Variants in MAPK6 observed in about 807,000 individuals in gnomAD.
The protein encoded by MAPK6 is ERK-3.
A neutral mutation model predicts 59.3 loss-of-function variants in MAPK6; 19 were observed. The ratio of observed to expected loss-of-function variants is 0.32; its 90% CI spans 0.22 to 0.47. The LOEUF (loss-of-function observed/expected upper bound fraction) is 0.47. MAPK6 is among the 20% of genes least tolerant of loss of function. The pLI is 1.00. For synonymous variants in MAPK6, 316 were observed against 290.3 expected (o/e 1.09, Z -0.90); for missense variants, 724 against 847.9 (o/e 0.85, Z 1.81).
At chr15:52,019,456 G>GCGGCGGCGGCGGCGA (rs1317203556) in intron 1 of MAPK6, 80 bp downstream of exon 1, 8 of 147,384 alleles carry the variant, frequency 5.4e-5, no homozygotes, top group Admixed American at 3.4e-4. Flanking sequence ...GGCGGCGGCG[G>GCGGCGGCGGCGGCGA]CGGCGGCGGC....
At chr15:52,062,423 T>C (rs2032239129) in intron 5 of MAPK6, among the ~76,000 whole-genome samples, 1 of 152,226 alleles carries the variant, frequency 6.6e-6, no homozygotes, top group South Asian at 2.1e-4. Flanking sequence ...CATTAGTGTA[T>C]AATGTTATCC....
Position 52,013,007 on chromosome 15 carries a change from AAAAAAAAAAAAAAATATATATATATATAT to A in MAPK6, c.-632+8607_-632+8635del, listed in dbSNP as rs1190500022. Among the ~76,000 whole-genome samples the A allele has an allele frequency of 8.4e-3, 190 of 22,520 alleles. 5 individuals carry two copies. The highest frequency in any genetic ancestry group is 0.028 in the African/African-American group (185 of 6,566). 14.8% of individuals were successfully genotyped at this position (22,520 alleles called of 152,430 possible). ...GCCTGGAAAAAAAAAAAAAAAAAAAAAAAAAAAAAAAAAATATATATATATATATATATATATATATATATATATATATT... is the reference window on the plus strand; with the variant it reads ...GCCTGGAAAAAAAAAAAAAAAAAAAAATATATATATATATATATATATATT... On this transcript the variant is annotated intron_variant, in intron 3 of 7. Coordinates refer to the MAPK6 transcript ENST00000691380.
chr15:51,981,626 C>T (rs17649826), intron 1 of MAPK6, among the ~76,000 whole-genome samples: 2,087 of 152,216 alleles, frequency 0.014, 84 homozygotes, highest in East Asian at 0.071. Context: ...TTTAGGAACC[C>T]GCTTCCTGGA....
chr15:51,976,005 G>A (rs551110257), intron 1 of MAPK6, among the ~76,000 whole-genome samples: 2 of 151,838 alleles, frequency 1.3e-5, no homozygotes, highest in South Asian at 2.1e-4. Context: ...GGTGGCTCAC[G>A]CCTGTAATCC....
At chr15:51,996,737 G>T (rs1037403302) in intron 2 of MAPK6, among the ~76,000 whole-genome samples, 3 of 151,794 alleles carry the variant, frequency 2.0e-5, no homozygotes, top group African/African-American at 7.3e-5. Flanking sequence ...CTATTTCCCA[G>T]GCTGGAGTGC....
intron 3 of MAPK6, among the ~76,000 whole-genome samples, chr15:52,011,948 TCTC>T (rs1031707451): frequency 2.6e-5 from 4 of 152,190 alleles, no homozygotes; most frequent in Admixed American, 2.6e-4. Flanking sequence ...AGGCCCCTCC[TCTC>T]CTCTGCAGTT....
intron 2 of MAPK6, among the ~76,000 whole-genome samples, chr15:51,989,575 T>C (rs533633483): frequency 2.5e-3 from 377 of 152,204 alleles, no homozygotes; most frequent in African/African-American, 8.7e-3. Context: ...AGTCCCCTTA[T>C]ATGAACAGAA....
At chr15:52,062,625 C>G (rs777645602) in intron 5 of MAPK6, among the ~76,000 whole-genome samples, 20 of 152,068 alleles carry the variant, frequency 1.3e-4, no homozygotes, top group Admixed American at 1.3e-3. Flanking sequence ...ATAAGCCAGG[C>G]TTGATGGCGG....
intron 3 of MAPK6, among the ~76,000 whole-genome samples, chr15:52,010,774 C>A (rs2030033036): frequency 6.6e-6 from 1 of 152,222 alleles, no homozygotes; most frequent in African/African-American, 2.4e-5. Context: ...TCACCTTGGC[C>A]TCCCAAAGTG....
chr15:52,000,512 A>T (rs2057238910), intron 2 of MAPK6, among the ~76,000 whole-genome samples: 1 of 152,152 alleles, frequency 6.6e-6, no homozygotes, highest in South Asian at 2.1e-4. Flanking sequence ...TGGCATTTTA[A>T]AAAACTTTTC....
chr15:51,980,293 TAAA>T (rs56978128), intron 1 of MAPK6, among the ~76,000 whole-genome samples: 9 of 142,828 alleles, frequency 6.3e-5, no homozygotes, highest in African/African-American at 2.3e-4. Context: ...AAAACTGTCT[TAAA>T]AAAAAAAAAG....
chr15:52,058,890 G>T, intron 4 of MAPK6, 93 bp downstream of exon 4: 2 of 1,059,390 alleles, frequency 1.9e-6, no homozygotes, highest in South Asian at 2.1e-5. Flanking sequence ...TTAGATATGG[G>T]GCTTTCTCCA....
chr15:52,027,887 C>G (rs2030867261), intron 1 of MAPK6: 1 of 151,452 alleles, frequency 6.6e-6, no homozygotes, highest in Non-Finnish European at 1.5e-5. Context: ...ATTCTTCTGC[C>G]TCAGCCTCTT....
At position 52,046,755 on chromosome 15, in the gene MAPK6, A is replaced by T. The variant is rs2031604894; in HGVS notation, c.295A>T (p.Thr99Ser). Residue 99 changes from threonine (T) to serine (S), a missense_variant, in exon 2 of 6, where the codon ACG (threonine) becomes TCG (serine). By Grantham distance (58) the Thr-to-Ser change is moderately conservative. Coordinates refer to ENST00000261845, the MANE Select transcript of MAPK6 (RefSeq NM_002748.4). ...SQLTDDVGSL[T>S]ELNSVYIVQE... is the part of the protein sequence containing the mutation. The stretch of plus-strand genomic sequence containing the variant: ...ATTAACAGACGATGTGGGCTCTCTT[A>T]CGGAACTGAACAGTGTTTACATTGT... 3.1e-6 allele frequency: 5 copies of T among 1,614,070 alleles called. No homozygotes were observed. The highest frequency in any genetic ancestry group is 4.2e-6 in the Non-Finnish European group (5 of 1,180,020).
chr15:52,000,285 C>A (rs2057238504), intron 2 of MAPK6, among the ~76,000 whole-genome samples: 2 of 152,106 alleles, frequency 1.3e-5, no homozygotes, highest in Admixed American at 6.6e-5. Flanking sequence ...AAAAGTTTTT[C>A]ATTTATATGA....
chr15:52,064,007 A>T lies in MAPK6; in HGVS notation c.1173A>T (p.Glu391Asp), dbSNP rs2032310846. The T allele has an allele frequency of 1.2e-6, 2 of 1,613,598 alleles. No homozygotes were observed. The highest frequency in any genetic ancestry group is 1.7e-5 in the Admixed American group (1 of 59,964). The change falls in exon 6 of 6, where the codon GAA becomes GAT. Residue 391 changes from glutamate (E) to aspartate (D), a missense_variant. Coordinates refer to ENST00000261845, the MANE Select transcript of MAPK6 (RefSeq NM_002748.4). The stretch of plus-strand genomic sequence containing the variant: ...GAGCTCTGTCCGATGTCACTGATGA[A>T]GAAGAAGTACAAGTTGATCCCCGAA... ...DPRALSDVTD[E>D]EEVQVDPRKY...
At chr15:52,058,510 T>A (rs1235040001) in intron 3 of MAPK6, 123 bp from the exon 4 acceptor site, 1 of 723,266 alleles carries the variant, frequency 1.4e-6, no homozygotes, top group African/African-American at 1.8e-5. Flanking sequence ...TGAAACCTGC[T>A]GATGATACAA....
chr15:52,047,271 C>T (rs2031622343), intron 2 of MAPK6, among the ~76,000 whole-genome samples: 1 of 151,936 alleles, frequency 6.6e-6, no homozygotes, highest in South Asian at 2.1e-4. Context: ...GAAATTCTCC[C>T]TTAGTTATTT....
Position 52,065,740 on chromosome 15 carries a change from ATATACTTTACTTTTTCC to A in MAPK6, c.*741_*757del, listed in dbSNP as rs1437497829. 1 of 45,282 alleles carries A rather than the reference ATATACTTTACTTTTTCC, an allele frequency of 2.2e-5. No homozygotes were observed. Among genetic ancestry groups the A allele is most frequent in the Non-Finnish European group, 7.1e-5 (1 of 13,990 alleles). 2.8% of individuals were successfully genotyped at this position (45,282 alleles called of 1,614,324 possible). On this transcript the variant is annotated 3_prime_UTR_variant, in exon 6 of 6. Transcript: ENST00000261845. Reference sequence around the variant, plus strand: ...CTTAGTTTTTAAAATTTATTTGCAAATATACTTTACTTTTTCCATTTGGCACTATGGTTTGTTGCCTA... The same window carrying A: ...CTTAGTTTTTAAAATTTATTTGCAAAATTTGGCACTATGGTTTGTTGCCTA...
Sources: gnomAD v4.1 joint callset for allele counts (sites outside exome capture counted in the v4.1 genomes callset) on GRCh38, gnomAD v4.1.1 for gene constraint, MANE v1.5 for transcripts, NCBI Gene and HGNC (gene_info 2026-07-23, HGNC 2026-07-21) for gene names.